Variants in DUOXA1 observed in about 807,000 individuals in gnomAD.
The protein encoded by DUOXA1 is dual oxidase maturation factor 1.
In DUOXA1, 19 loss-of-function variants were observed where a neutral mutation model predicts 26.6. That is an observed-to-expected ratio of 0.71 (90% confidence interval 0.50 to 1.05). The LOEUF is 1.05. Ranked by LOEUF, DUOXA1 falls within the 50% of genes least tolerant of loss-of-function variation. DUOXA1 has a pLI of 0.00. For missense variants in DUOXA1, 403 were observed against 427.5 expected (o/e 0.94, Z 0.51); for synonymous variants, 166 against 177.0 (o/e 0.94, Z 0.49).
chr15:45,127,294 T>C (rs953500120), intron 3 of DUOXA1, among the ~76,000 whole-genome samples: 7 of 152,190 alleles, frequency 4.6e-5, no homozygotes, highest in Non-Finnish European at 7.3e-5. Context: ...GGGTTAAATA[T>C]TATTCCTGCA....
intron 6 of DUOXA1, 36 bp downstream of exon 6, chr15:45,121,051 C>T (rs373612786): frequency 1.9e-5 from 31 of 1,613,028 alleles, no homozygotes; most frequent in Non-Finnish European, 2.5e-5. Context: ...GATGGCAGAG[C>T]CTTCCCCCCC....
chr15:45,124,292 T>G (rs947229093), intron 3 of DUOXA1, among the ~76,000 whole-genome samples: 2 of 152,178 alleles, frequency 1.3e-5, no homozygotes, highest in Admixed American at 1.3e-4. Flanking sequence ...AAATTTGAGA[T>G]AGTAATGTCT....
At chr15:45,122,768 G>A in intron 4 of DUOXA1, 100 bp downstream of exon 4, 1 of 1,410,072 alleles carries the variant, frequency 7.1e-7, no homozygotes. Flanking sequence ...CTCCGCACTG[G>A]GGTCTCCTTC....
At chr15:45,128,244 C>T (rs1407184495) in intron 3 of DUOXA1, among the ~76,000 whole-genome samples, 1 of 152,218 alleles carries the variant, frequency 6.6e-6, no homozygotes, top group African/African-American at 2.4e-5. Context: ...AGAACAACCT[C>T]CAGCCTTCTT....
In DUOXA1 at chr15:45,118,432, C is replaced by T; in HGVS notation, c.*674G>A. The T allele has an allele frequency of 7.8e-6, 8 of 1,023,040 alleles. No individual in the cohort carries two copies. Among genetic ancestry groups the T allele is most frequent in the Non-Finnish European group, 9.4e-6 (8 of 854,860 alleles). The allele number at this position is 1,023,040 out of a possible 1,614,324, so 63.4% of individuals were successfully genotyped here. On this transcript the variant is annotated 3_prime_UTR_variant, in exon 9 of 9. Coordinates refer to ENST00000560572, the MANE Select transcript of DUOXA1 (RefSeq NM_001276266.2). ...TTGGAGTTGATTCCCTAACTTCCCACCTGGCTTCTTGTGAGGTGGTGTTTG... is the reference window on the plus strand; with the variant it reads ...TTGGAGTTGATTCCCTAACTTCCCATCTGGCTTCTTGTGAGGTGGTGTTTG...
chr15:45,117,926 A>C lies in DUOXA1; in HGVS notation c.*1180T>G, dbSNP rs1595538353. On this transcript the variant is annotated 3_prime_UTR_variant, in exon 9 of 9. Transcript: ENST00000560572. ...AACCTGTGAGGGGGACCCAATCTGG[A>C]CTCCTTCCCCGCCTTGGGACATCGC... is the stretch of plus-strand genomic sequence containing the variant. 1 of 1,612,556 alleles carries C rather than the reference A, an allele frequency of 6.2e-7. No homozygotes were observed. The highest frequency in any genetic ancestry group is 8.5e-7 in the Non-Finnish European group (1 of 1,179,896).
chr15:45,119,986 G>A (rs1257510540), intron 8 of DUOXA1, 117 bp downstream of exon 8: 3 of 1,200,558 alleles, frequency 2.5e-6, no homozygotes, highest in Admixed American at 1.8e-5. Flanking sequence ...ACTTTAAAGA[G>A]GGCAAAGCCA....
At chr15:45,120,020 T>C in intron 8 of DUOXA1, 83 bp downstream of exon 8, 1 of 1,520,852 alleles carries the variant, frequency 6.6e-7, no homozygotes, top group Non-Finnish European at 9.1e-7. Context: ...GAACAGACCC[T>C]CAACTCTACC....
Position 45,118,136 on chromosome 15 carries a change from T to TCCGCG in DUOXA1, c.*965_*969dup, listed in dbSNP as rs1257957801. On this transcript the variant is annotated 3_prime_UTR_variant, in exon 9 of 9. Coordinates refer to ENST00000560572, the MANE Select transcript of DUOXA1 (RefSeq NM_001276266.2). ...TTTTCCCATTAATTTTCATGGCTTC[T>TCCGCG]CCGCGCCGGGGTCGCACGTCCTCAT... 6.9e-7 allele frequency: 1 copy of TCCGCG among 1,440,426 alleles called. No individual in the cohort carries two copies. The highest frequency in any genetic ancestry group is 1.4e-5 in the African/African-American group (1 of 69,838). The allele number at this position is 1,440,426 out of a possible 1,614,324, so 89.2% of individuals were successfully genotyped here.
Position 45,119,382 on chromosome 15 carries a change from C to T in DUOXA1, c.773-17G>A, listed in dbSNP as rs770825058. The T allele has an allele frequency of 6.3e-7, 1 of 1,594,466 alleles. No homozygotes were observed. The highest frequency in any genetic ancestry group is 1.1e-5 in the South Asian group (1 of 89,788). ...ACAGCAGTCCTGGAGATGAGGGCAA[C>T]AATTGTCCCACCTTAGTGCTAGTAA... On this transcript the variant is annotated splice_polypyrimidine_tract_variant and intron_variant, in intron 8 of 8. Coordinates refer to ENST00000560572, the MANE Select transcript of DUOXA1 (RefSeq NM_001276266.2).
chr15:45,120,839 C>A, intron 6 of DUOXA1, 34 bp from the exon 7 acceptor site: 1 of 1,610,734 alleles, frequency 6.2e-7, no homozygotes, highest in Non-Finnish European at 8.5e-7. Context: ...CAGCAGGAAC[C>A]CAAGGGCCAG....
At chr15:45,122,484 C>A (rs560361218) in intron 4 of DUOXA1, among the ~76,000 whole-genome samples, 11 of 152,240 alleles carry the variant, frequency 7.2e-5, no homozygotes, top group South Asian at 4.1e-4. Context: ...TATATCACTG[C>A]AGCCACTCAA....
chr15:45,122,185 C>A lies in DUOXA1; in HGVS notation c.205G>T (p.Ala69Ser), dbSNP rs1373989375. The change falls in exon 5 of 9, where the codon GCT (alanine) becomes TCT (serine). Residue 69 changes from alanine to serine, a missense_variant and splice_region_variant. Ala to Ser is a moderately conservative substitution (Grantham distance 99). Coordinates refer to ENST00000560572, the MANE Select transcript of DUOXA1 (RefSeq NM_001276266.2). ...TSLFIGAAILAVNFSSEWSVG... is the reference protein window; with the variant it reads ...TSLFIGAAILSVNFSSEWSVG... ...CAAGTCAGCTGCACTTCGCACTCAC[C>A]CAGGATTGCAGCCCCGATGAATAAG... The A allele has an allele frequency of 1.2e-6, 2 of 1,600,738 alleles. No individual in the cohort carries two copies. Among genetic ancestry groups the A allele is most frequent in the Admixed American group, 1.7e-5 (1 of 58,386 alleles).
Position 45,120,625 on chromosome 15 carries a change from C to T in DUOXA1, c.521G>A (p.Arg174His), listed in dbSNP as rs147223934. The part of the protein sequence containing the change: ...RSPCGLYRQY[R>H]LAGHYTSAML... ...GGCTGAGGTGTAGTGTCCCGCCAGG[C>T]GGTACTGGCGGTATAGGCCACATGG... is the stretch of plus-strand genomic sequence containing the variant. The change falls in exon 7 of 9, where the codon CGC becomes CAC. Residue 174 changes from arginine to histidine, a missense_variant. Arg to His is a conservative substitution (Grantham distance 29). Transcript: ENST00000560572. The T allele has an allele frequency of 4.7e-5, 76 of 1,614,114 alleles. 1 individual carries two copies. In the African/African-American group the frequency reaches 7.7e-4, roughly 16 times the overall value.
Position 45,118,216 on chromosome 15 carries a change from T to G in DUOXA1, c.*890A>C. 7.1e-7 allele frequency: 1 copy of G among 1,413,466 alleles called. No individual in the cohort carries two copies. Among genetic ancestry groups the G allele is most frequent in the Non-Finnish European group, 9.2e-7 (1 of 1,090,444 alleles). The allele number at this position is 1,413,466 out of a possible 1,614,324, so 87.6% of individuals were successfully genotyped here. Reference sequence around the variant, plus strand: ...ACACTCTCCGCAGTGCTGTGAAACCTGATTCTCTGCGTCGACTCCAGAGTA... The same window carrying G: ...ACACTCTCCGCAGTGCTGTGAAACCGGATTCTCTGCGTCGACTCCAGAGTA... On this transcript the variant is annotated 3_prime_UTR_variant, in exon 9 of 9. Transcript: ENST00000560572.
In DUOXA1 at chr15:45,118,392, G is replaced by C; in HGVS notation, c.*714C>G. 9.3e-7 allele frequency: 1 copy of C among 1,074,838 alleles called. No individual in the cohort carries two copies. The allele number at this position is 1,074,838 out of a possible 1,614,324, so 66.6% of individuals were successfully genotyped here. A position where few individuals can be genotyped will look rare whatever the true frequency, so the allele number is the denominator to read the frequency against. On this transcript the variant is annotated 3_prime_UTR_variant, in exon 9 of 9. Transcript: ENST00000560572. ...TCAGCTAGCCCAGCTGAGTGGGGTG[G>C]GAAGGAATAGCGTTTTGGAGTTGAT...
At chr15:45,124,759 A>T (rs1340392027) in intron 3 of DUOXA1, among the ~76,000 whole-genome samples, 1 of 152,102 alleles carries the variant, frequency 6.6e-6, no homozygotes, top group Non-Finnish European at 1.5e-5. Flanking sequence ...GCAATCCACC[A>T]TCCTTGGCCT....
At position 45,117,500 on chromosome 15, in the gene DUOXA1, C is replaced by T. The variant is rs942642908; in HGVS notation, c.*1606G>A. ...GGCTCAGAAGGGTTTGGTGTCTTGC[C>T]GTGTTTCATGTAATTCAGATTAGAG... On this transcript the variant is annotated 3_prime_UTR_variant, in exon 9 of 9. Coordinates refer to ENST00000560572, the MANE Select transcript of DUOXA1 (RefSeq NM_001276266.2). 2.9e-5 allele frequency: 45 copies of T among 1,552,580 alleles called. No individual in the cohort carries two copies. Among genetic ancestry groups the T allele is most frequent in the Middle Eastern group, 1.7e-4 (1 of 5,992 alleles).
At position 45,117,809 on chromosome 15, in the gene DUOXA1, A is replaced by G; in HGVS notation, c.*1297T>C. ...ACCCTTCTGGACCAAAGCGCCAAGG[A>G]CTGCAGCCAGGAGAGAGGGGGCTCA... On this transcript the variant is annotated 3_prime_UTR_variant, in exon 9 of 9. Coordinates refer to ENST00000560572, the MANE Select transcript of DUOXA1 (RefSeq NM_001276266.2). 1 of 1,613,884 alleles carries G rather than the reference A, an allele frequency of 6.2e-7. No homozygotes were observed. The highest frequency in any genetic ancestry group is 2.2e-5 in the East Asian group (1 of 44,880).
Sources: gnomAD v4.1 joint callset for allele counts (sites outside exome capture counted in the v4.1 genomes callset) on GRCh38, gnomAD v4.1.1 for gene constraint, MANE v1.5 for transcripts, NCBI Gene and HGNC (gene_info 2026-07-23, HGNC 2026-07-21) for gene names.